The following ANKS1A variants were observed in gnomAD, a reference collection of about 807,000 sequenced individuals.
ANKS1A encodes the protein ankyrin repeat and SAM domain-containing protein 1A.
ANKS1A carries 55 observed loss-of-function variants against 120.3 expected under a neutral mutation model. The observed-to-expected ratio is 0.46, with a 90% CI of 0.37 to 0.57. The LOEUF is 0.57. Among genes scored for constraint, ANKS1A ranks in the 20% least tolerant of loss-of-function variants. The pLI is 0.00. For missense variants in ANKS1A, 1,123 were observed against 1,480.3 expected (o/e 0.76, Z 3.96); for synonymous variants, 590 against 604.7 (o/e 0.98, Z 0.36).
chr6:35,024,897 C>G (rs142287481), intron 11 of ANKS1A, among the ~76,000 whole-genome samples: 3 of 152,194 alleles, frequency 2.0e-5, no homozygotes, highest in African/African-American at 7.2e-5. Flanking sequence ...AAATTTCCCA[C>G]GCCATATTCT....
At chr6:34,956,204 C>T (rs1161304517) in intron 1 of ANKS1A, among the ~76,000 whole-genome samples, 1 of 151,270 alleles carries the variant, frequency 6.6e-6, no homozygotes, top group East Asian at 1.9e-4. Context: ...TTTTTAATTT[C>T]CAAGAACTTT....
chr6:34,942,551 AC>A (rs762346134), intron 1 of ANKS1A, among the ~76,000 whole-genome samples: 98 of 152,318 alleles, frequency 6.4e-4, no homozygotes, highest in African/African-American at 2.3e-3. Flanking sequence ...GTATGAATGC[AC>A]CCACTTCTCT....
At chr6:34,970,540 C>T (rs112926248) in intron 3 of ANKS1A, among the ~76,000 whole-genome samples, 2 of 152,192 alleles carry the variant, frequency 1.3e-5, no homozygotes, top group Non-Finnish European at 2.9e-5. Flanking sequence ...GTAACATTAG[C>T]TGTCTCTGTC....
intron 3 of ANKS1A, among the ~76,000 whole-genome samples, chr6:34,973,887 ACTTCCCCTTCC>A (rs1771323457): frequency 1.8e-4 from 2 of 10,834 alleles, no homozygotes; most frequent in Non-Finnish European, 3.2e-4. Context: ...CTTCCCCTTC[ACTTCCCCTTCC>A]CTTCCCCTTC....
chr6:34,940,000 A>G (rs962803729), intron 1 of ANKS1A, among the ~76,000 whole-genome samples: 3 of 152,234 alleles, frequency 2.0e-5, no homozygotes, highest in Non-Finnish European at 4.4e-5. Context: ...AATTTTGGTC[A>G]TCTTGGTCCT....
At chr6:34,904,252 A>AT (rs755940998) in intron 1 of ANKS1A, among the ~76,000 whole-genome samples, 5 of 152,180 alleles carry the variant, frequency 3.3e-5, no homozygotes, top group Non-Finnish European at 4.4e-5. Flanking sequence ...ATTAAAACAT[A>AT]TTTTTTAGGG....
intron 11 of ANKS1A, among the ~76,000 whole-genome samples, chr6:35,019,857 G>T (rs527849258): frequency 6.6e-6 from 1 of 152,280 alleles, no homozygotes; most frequent in Non-Finnish European, 1.5e-5. Context: ...CAGTGGGTGG[G>T]GGAGTGGAGA....
Position 35,090,052 on chromosome 6 carries a change from T to C in ANKS1A, c.*1443T>C. 2 of 1,249,938 alleles carry C rather than the reference T, an allele frequency of 1.6e-6. No individual in the cohort carries two copies. Among genetic ancestry groups the C allele is most frequent in the South Asian group, 2.7e-5 (2 of 74,516 alleles). 77.4% of individuals were successfully genotyped at this position (1,249,938 alleles called of 1,614,324 possible). A position where few individuals can be genotyped will look rare whatever the true frequency, so the allele number is the denominator to read the frequency against. ...GTTGGCCAGAAATCAGAAGTGGGGC[T>C]GTGTCTCTGACTGGCTAGAGGCCAG... On this transcript the variant is annotated 3_prime_UTR_variant, in exon 24 of 24. Transcript: ENST00000360359.
intron 3 of ANKS1A, among the ~76,000 whole-genome samples, chr6:34,970,639 T>G (rs1242841247): frequency 1.3e-5 from 2 of 152,116 alleles, no homozygotes; most frequent in East Asian, 3.9e-4. Flanking sequence ...TGTGCAAAAT[T>G]TGAAATAATG....
Position 35,086,016 on chromosome 6 carries a change from G to A in ANKS1A, c.3303+80G>A. On this transcript the variant is annotated intron_variant, in intron 22 of 23. Transcript: ENST00000360359. The surrounding 1 kb of genome is among the most constrained non-coding windows in gnomAD (Gnocchi z 5.1). ...GGCTCAGGGTGGTCAGCGTGAGGAG[G>A]GTCTTCTGGCACTTCCAGAAAGCTG... The A allele has an allele frequency of 6.8e-7, 1 of 1,474,618 alleles. No individual in the cohort carries two copies. The highest frequency in any genetic ancestry group is 1.4e-5 in the South Asian group (1 of 72,454). 91.3% of individuals were successfully genotyped at this position (1,474,618 alleles called of 1,614,324 possible). A position where few individuals can be genotyped will look rare whatever the true frequency, so the allele number is the denominator to read the frequency against.
At chr6:35,023,027 C>T (rs1405336226) in intron 11 of ANKS1A, among the ~76,000 whole-genome samples, 1 of 152,168 alleles carries the variant, frequency 6.6e-6, no homozygotes, top group African/African-American at 2.4e-5. Flanking sequence ...AGGTCCAGTT[C>T]CTACCCTTTT....
At chr6:35,069,119 C>G (rs1203891517) in intron 13 of ANKS1A, among the ~76,000 whole-genome samples, 1 of 152,200 alleles carries the variant, frequency 6.6e-6, no homozygotes, top group African/African-American at 2.4e-5. Flanking sequence ...TGGTCCCAGG[C>G]CTTTCCCACT....
chr6:35,046,569 G>A (rs960626695), intron 11 of ANKS1A, among the ~76,000 whole-genome samples: 1 of 152,140 alleles, frequency 6.6e-6, no homozygotes, highest in Non-Finnish European at 1.5e-5. Context: ...CGTAGGGCAT[G>A]GATTCTATAA....
At chr6:34,985,812 C>A (rs967581466) in intron 8 of ANKS1A, among the ~76,000 whole-genome samples, 1 of 152,172 alleles carries the variant, frequency 6.6e-6, no homozygotes, top group Non-Finnish European at 1.5e-5. Context: ...CCTATTTTAT[C>A]TAATTATAAT....
rs1229940016 is a variant in ANKS1A at position 35,079,675 on chromosome 6, A to G, written c.2436+7A>G. On this transcript the variant is annotated splice_region_variant and intron_variant, in intron 15 of 23. Coordinates refer to ENST00000360359, the MANE Select transcript of ANKS1A (RefSeq NM_015245.3). ...GGAGCTAGAGCTCGTCAATGTGAGT[A>G]GTCCCTGCGTGGCCCGGCCTGGACT... The G allele has an allele frequency of 6.2e-7, 1 of 1,614,062 alleles. No homozygotes were observed. The highest frequency in any genetic ancestry group is 8.5e-7 in the Non-Finnish European group (1 of 1,179,990).
chr6:34,982,109 T>A lies in ANKS1A; in HGVS notation c.732+123T>A, dbSNP rs1488451051. 1 of 1,206,814 alleles carries A rather than the reference T, an allele frequency of 8.3e-7. No homozygotes were observed. 74.8% of individuals were successfully genotyped at this position (1,206,814 alleles called of 1,614,324 possible). A position where few individuals can be genotyped will look rare whatever the true frequency, so the allele number is the denominator to read the frequency against. On this transcript the variant is annotated intron_variant, in intron 4 of 23. Coordinates refer to ENST00000360359, the MANE Select transcript of ANKS1A (RefSeq NM_015245.3). The surrounding 1 kb of genome is among the most constrained non-coding windows in gnomAD (Gnocchi z 4.9). ...ACGTTTCACATCATGTTTCAAATGCTTATTTGCCGACTCATTCTAATGTGA... is the reference window on the plus strand; with the variant it reads ...ACGTTTCACATCATGTTTCAAATGCATATTTGCCGACTCATTCTAATGTGA...
chr6:34,989,029 A>G (rs2030611), intron 8 of ANKS1A, among the ~76,000 whole-genome samples, 195 bp from the exon 9 acceptor site: 123,060 of 152,142 alleles, frequency 0.81, 50,765 homozygotes, highest in Non-Finnish European at 0.9. Flanking sequence ...ATCAAAAACC[A>G]TAGAGCATGC....
chr6:35,076,139 G>A (rs1329751194), intron 13 of ANKS1A, among the ~76,000 whole-genome samples: 1 of 152,172 alleles, frequency 6.6e-6, no homozygotes, highest in East Asian at 1.9e-4. Flanking sequence ...AAACTCTGAG[G>A]CTGTCCGGGC....
intron 1 of ANKS1A, among the ~76,000 whole-genome samples, chr6:34,897,636 A>G (rs894867205): frequency 2.0e-5 from 3 of 152,342 alleles, no homozygotes; most frequent in East Asian, 1.9e-4. Context: ...ATTATATCGT[A>G]TAATATGTTA....
Sources: allele counts gnomAD v4.1 joint callset (sites outside exome capture counted in the v4.1 genomes callset), GRCh38; gene constraint gnomAD v4.1.1; non-coding constraint Gnocchi (gnomAD v3.1); transcripts MANE v1.5; gene names NCBI Gene and HGNC (gene_info 2026-07-23, HGNC 2026-07-21).